The following PCDHGB2 variants were observed in gnomAD, a reference collection of about 807,000 sequenced individuals.
PCDHGB2 encodes protocadherin gamma subfamily B, 2.
In PCDHGB2, 55 loss-of-function variants were observed where a neutral mutation model predicts 59.3. The observed-to-expected ratio is 0.93, with a 90% CI of 0.75 to 1.16. The LOEUF is 1.16. PCDHGB2 is among the 50% of genes most tolerant of loss of function. PCDHGB2 has a pLI of 0.00. For missense variants in PCDHGB2, 1,228 were observed against 1,198.5 expected (o/e 1.02, Z -0.36); for synonymous variants, 516 against 512.0 (o/e 1.01, Z -0.11).
rs200843744 is a variant in PCDHGB2, at chr5:141,491,417, G to C, written c.2422-3390G>C. 18 of 1,613,988 alleles carry C rather than the reference G, an allele frequency of 1.1e-5. No individual in the cohort carries two copies. Among genetic ancestry groups the C allele is most frequent in the Admixed American group, 5.0e-5 (3 of 60,006 alleles). ...CAGGGAAACGCAGACGGGGACGGGGGTGGAGGGCAGTGCTGCAGGCGCCAG... is the reference window on the plus strand; with the variant it reads ...CAGGGAAACGCAGACGGGGACGGGGCTGGAGGGCAGTGCTGCAGGCGCCAG... On this transcript the variant is annotated intron_variant, in intron 1 of 3. Transcript: ENST00000522605. This position sits in a 1 kb window ranked among gnomAD's most constrained non-coding sequence, Gnocchi z 6.9.
At position 141,498,660 on chromosome 5, in the gene PCDHGB2, G is replaced by A. The variant is rs969314533; in HGVS notation, c.2480+3795G>A. Among the ~76,000 whole-genome samples, 11 of 152,192 alleles carry A rather than the reference G, an allele frequency of 7.2e-5. No homozygotes were observed. In the East Asian group the frequency reaches 9.6e-4, roughly 13 times the overall value. ...GAAGGAAGAAGACCTGGCCAGGTGT[G>A]GTGGCTCACGCCTGTAATCCCAGCA... is the stretch of plus-strand genomic sequence containing the variant. On this transcript the variant is annotated intron_variant, in intron 2 of 3. Coordinates refer to ENST00000522605, the MANE Select transcript of PCDHGB2 (RefSeq NM_018923.3).
chr5:141,418,064 A>T, intron 1 of PCDHGB2: 1 of 1,614,006 alleles, frequency 6.2e-7, no homozygotes, highest in Non-Finnish European at 8.5e-7. Flanking sequence ...GCTGCGAGTG[A>T]GCGCGGAGAA....
intron 2 of PCDHGB2, among the ~76,000 whole-genome samples, chr5:141,498,404 C>T (rs1283586713): frequency 6.6e-6 from 1 of 152,104 alleles, no homozygotes; most frequent in African/African-American, 2.4e-5. Context: ...AGGGAGTTTT[C>T]TCTTTGCTGG....
intron 1 of PCDHGB2, chr5:141,413,033 T>C: frequency 1.3e-6 from 1 of 776,760 alleles, no homozygotes; most frequent in Non-Finnish European, 2.0e-6. Context: ...ACAAACCGGC[T>C]GCTGGGCTGC....
Position 141,485,181 on chromosome 5 carries a change from G to C in PCDHGB2, c.2422-9626G>C. 1 of 1,612,942 alleles carries C rather than the reference G, an allele frequency of 6.2e-7. No individual in the cohort carries two copies. Among genetic ancestry groups the C allele is most frequent in the East Asian group, 2.2e-5 (1 of 44,868 alleles). On this transcript the variant is annotated intron_variant, in intron 1 of 3. Transcript: ENST00000522605. This position sits in a 1 kb window ranked among gnomAD's most constrained non-coding sequence, Gnocchi z 5.7. ...AATTAGCGGGCGGCAGCAATGCTCC[G>C]CAAGGTGAGAAGCTGGACAGAAATC...
At position 141,361,963 on chromosome 5, in the gene PCDHGB2, C is replaced by T; in HGVS notation, c.1828C>T (p.Gln610Ter). The change falls in exon 1 of 4, where the codon CAG becomes TAG. Residue 610 changes from glutamine to a stop codon, truncating the protein, a stop_gained. Coordinates refer to ENST00000522605, the MANE Select transcript of PCDHGB2 (RefSeq NM_018923.3). LOFTEE classifies it high-confidence loss of function. ...CGCTTGGCTGTCCTACCACGTGCTG[C>T]AGGCCAGCGAGCCCGGGCTCTTCAG... Reference protein sequence around the residue: ...HNAWLSYHVLQASEPGLFSLG... With the variant: ...HNAWLSYHVL The T allele has an allele frequency of 6.2e-7, 1 of 1,602,208 alleles. No homozygotes were observed.
rs750928530 is a variant in PCDHGB2 at position 141,490,174 on chromosome 5, G to T, written c.2422-4633G>T. 1 of 1,614,056 alleles carries T rather than the reference G, an allele frequency of 6.2e-7. No individual in the cohort carries two copies. Among genetic ancestry groups the T allele is most frequent in the South Asian group, 1.1e-5 (1 of 91,086 alleles). ...TGTGTTGGGTCCCATAGACTTTGAG[G>T]AGTCACGTTTCTATGAAATTCATGC... On this transcript the variant is annotated intron_variant, in intron 1 of 3. Transcript: ENST00000522605. This position sits in a 1 kb window ranked among gnomAD's most constrained non-coding sequence, Gnocchi z 5.4.
At chr5:141,365,516 A>C (rs778402977) in intron 1 of PCDHGB2, 1 of 1,613,878 alleles carries the variant, frequency 6.2e-7, no homozygotes, top group South Asian at 1.1e-5. Flanking sequence ...TAAATTGGAG[A>C]AGTCAGTTGA....
intron 1 of PCDHGB2, chr5:141,399,585 T>C (rs1452769752): frequency 6.2e-7 from 1 of 1,613,984 alleles, no homozygotes; most frequent in South Asian, 1.1e-5. Context: ...TCTCCTACTC[T>C]ATCATGGCCA....
At chr5:141,418,955 G>C in intron 1 of PCDHGB2, 4 of 1,614,050 alleles carry the variant, frequency 2.5e-6, no homozygotes, top group Non-Finnish European at 3.4e-6. Flanking sequence ...AGGAGTGGTT[G>C]TTGCCCTCTT....
rs377138746 is a variant in PCDHGB2 at position 141,432,481 on chromosome 5, C to T, written c.2422-62326C>T. ...CCCTCCCCACGGACGGTTCCACTGG[C>T]GTGGAGCTGGCTCCCCGCTCCGCAG... On this transcript the variant is annotated intron_variant, in intron 1 of 3. Transcript: ENST00000522605. This position sits in a 1 kb window ranked among gnomAD's most constrained non-coding sequence, Gnocchi z 6.0. The T allele has an allele frequency of 1.1e-5, 17 of 1,614,198 alleles. No individual in the cohort carries two copies. The African/African-American group carries it at 1.7e-4, about 16-fold the overall frequency.
intron 1 of PCDHGB2, chr5:141,366,887 A>T (rs1444897635): frequency 9.5e-6 from 12 of 1,269,488 alleles, no homozygotes; most frequent in Non-Finnish European, 1.3e-5. Flanking sequence ...AATTTTTTTT[A>T]TATAATTCAT....
chr5:141,408,624 A>G, intron 1 of PCDHGB2: 1 of 1,614,016 alleles, frequency 6.2e-7, no homozygotes, highest in Non-Finnish European at 8.5e-7. Flanking sequence ...ATACATTTAG[A>G]AATTTTCGAA....
At chr5:141,418,343 A>G in intron 1 of PCDHGB2, 1 of 1,614,010 alleles carries the variant, frequency 6.2e-7, no homozygotes, top group Non-Finnish European at 8.5e-7. Flanking sequence ...AGATCCTGAT[A>G]TTAGTATGAA....
intron 1 of PCDHGB2, among the ~76,000 whole-genome samples, chr5:141,457,656 G>T (rs2098926936): frequency 6.6e-6 from 1 of 152,244 alleles, no homozygotes; most frequent in Non-Finnish European, 1.5e-5. Context: ...ATGAAGTGCA[G>T]CAAGAATGGT....
At position 141,486,045 on chromosome 5, in the gene PCDHGB2, A is replaced by G. The variant is rs2099623524; in HGVS notation, c.2422-8762A>G. The G allele has an allele frequency of 4.3e-6, 7 of 1,613,428 alleles. No individual in the cohort carries two copies. The highest frequency in any genetic ancestry group is 5.1e-6 in the Non-Finnish European group (6 of 1,179,858). ...GGTCATACCCCTGATCGTGTAAGAA[A>G]CCTCTTTAGCCTGCACCCCACTACT... On this transcript the variant is annotated intron_variant, in intron 1 of 3. Coordinates refer to ENST00000522605, the MANE Select transcript of PCDHGB2 (RefSeq NM_018923.3). This position sits in a 1 kb window ranked among gnomAD's most constrained non-coding sequence, Gnocchi z 5.0.
intron 1 of PCDHGB2, chr5:141,395,178 G>A: frequency 6.2e-7 from 1 of 1,614,142 alleles, no homozygotes; most frequent in East Asian, 2.2e-5. Flanking sequence ...TGAGAAAAAT[G>A]ATTCTTTGTT....
intron 1 of PCDHGB2, chr5:141,421,223 C>T: frequency 6.3e-7 from 1 of 1,580,314 alleles, no homozygotes. Context: ...GGCTTAGAGC[C>T]TGCCATGGCG....
chr5:141,380,133 TA>T (rs926535688), intron 1 of PCDHGB2, among the ~76,000 whole-genome samples: 12 of 151,832 alleles, frequency 7.9e-5, no homozygotes, highest in African/African-American at 2.9e-4. Context: ...CTCCTGACCT[TA>T]AGTGATCCAC....
Sources: gnomAD v4.1 joint callset for allele counts (sites outside exome capture counted in the v4.1 genomes callset) on GRCh38, gnomAD v4.1.1 for gene constraint, Gnocchi (gnomAD v3.1) non-coding constraint, MANE v1.5 for transcripts, NCBI Gene and HGNC (gene_info 2026-07-23, HGNC 2026-07-21) for gene names.